HS3ST5: variants seen among roughly 807,000 people sequenced by gnomAD.
The protein encoded by HS3ST5 is heparan sulfate glucosamine 3-O-sulfotransferase 5.
HS3ST5 carries 10 observed loss-of-function variants against 25.4 expected under a neutral mutation model. That is an observed-to-expected ratio of 0.39 (90% CI 0.24 to 0.67). The LOEUF is 0.67. HS3ST5 is among the 30% of genes least tolerant of loss of function. The pLI is 0.44. For missense variants in HS3ST5, 324 were observed against 420.7 expected (o/e 0.77, Z 2.01); for synonymous variants, 170 against 162.4 (o/e 1.05, Z -0.36).
intron 3 of HS3ST5, among the ~76,000 whole-genome samples, chr6:114,116,813 C>T (rs1008150506): frequency 2.6e-5 from 4 of 152,086 alleles, no homozygotes; most frequent in African/African-American, 9.7e-5. Flanking sequence ...AATTGCTGCC[C>T]TTCCTTTTGG....
chr6:114,058,001 C>T lies in HS3ST5; in HGVS notation c.297G>A (p.Arg99=), dbSNP rs1402829049. The change falls in exon 5 of 5, where the codon AGG becomes AGA. Residue 99 remains arginine (R), a synonymous_variant. Coordinates refer to ENST00000312719, the MANE Select transcript of HS3ST5 (RefSeq NM_153612.4). ...QLPKAIIIGV[R]KGGTRALLEM... ...CAAGCAGGGCCCTTGTGCCTCCTTT[C>T]CTCACCCCAATGATAATGGCCTTGG... 3 of 1,614,084 alleles carry T rather than the reference C, an allele frequency of 1.9e-6. No homozygotes were observed. Among genetic ancestry groups the T allele is most frequent in the Admixed American group, 1.7e-5 (1 of 60,006 alleles).
chr6:114,069,209 C>A (rs1348748744), intron 3 of HS3ST5, among the ~76,000 whole-genome samples: 1 of 152,138 alleles, frequency 6.6e-6, no homozygotes, highest in African/African-American at 2.4e-5. Context: ...GAAATCATAA[C>A]CCTCTTTTGA....
intron 2 of HS3ST5, among the ~76,000 whole-genome samples, chr6:114,186,205 C>T (rs1432065009): frequency 6.6e-5 from 10 of 151,966 alleles, no homozygotes; most frequent in Admixed American, 5.9e-4. Flanking sequence ...CACTTTAAAT[C>T]AAAAGCTAAA....
intron 3 of HS3ST5, among the ~76,000 whole-genome samples, chr6:114,137,961 TA>T (rs1011020148): frequency 1.3e-5 from 2 of 152,138 alleles, no homozygotes; most frequent in Admixed American, 1.3e-4. Context: ...AGCTACCACT[TA>T]TTAAATCCCT....
rs1423468630 is a variant in HS3ST5 at position 114,207,521 on chromosome 6, G to C, written c.-145+21064C>G. On this transcript the variant is annotated intron_variant, in intron 2 of 4. Transcript: ENST00000312719. ...AGCCTAGTGGATTCCCCTAAAGACA[G>C]TCATGGTGAAGAAGGCTCATCCCTA... 5.9e-5 allele frequency among the ~76,000 whole-genome samples: 9 copies of C among 152,140 alleles called. No individual in the cohort carries two copies. In the East Asian group the frequency reaches 1.7e-3, roughly 29 times the overall value.
intron 4 of HS3ST5, among the ~76,000 whole-genome samples, chr6:114,062,302 A>T (rs1435399761): frequency 6.6e-6 from 1 of 152,176 alleles, no homozygotes; most frequent in Admixed American, 6.5e-5. Flanking sequence ...TGCAAACTCG[A>T]TGAGCTCCTT....
At chr6:114,341,222 G>GGGGAGA (rs1776839835) in intron 1 of HS3ST5, among the ~76,000 whole-genome samples, 8 of 46,634 alleles carry the variant, frequency 1.7e-4, no homozygotes, top group South Asian at 9.1e-4. Flanking sequence ...GGAGAGAGGG[G>GGGGAGA]GAGAGAGAGA....
chr6:114,319,629 C>T (rs1775882989), intron 1 of HS3ST5, among the ~76,000 whole-genome samples: 1 of 152,140 alleles, frequency 6.6e-6, no homozygotes, highest in Admixed American at 6.5e-5. Flanking sequence ...TGCTTTTATA[C>T]TTGACAGTTA....
chr6:114,057,334 T>A lies in HS3ST5; in HGVS notation c.964A>T (p.Thr322Ser). 1 of 1,614,122 alleles carries A rather than the reference T, an allele frequency of 6.2e-7. No homozygotes were observed. Among genetic ancestry groups the A allele is most frequent in the Non-Finnish European group, 8.5e-7 (1 of 1,180,000 alleles). ...GGATGAAAGAATTTGCGCAATTTAG[T>A]AATGACAGAGGGGTCCACCTCTGGA... is the stretch of plus-strand genomic sequence containing the variant. ...IHPEVDPSVITKLRKFFHPFN... is the reference protein window; with the variant it reads ...IHPEVDPSVISKLRKFFHPFN... The change falls in exon 5 of 5, where the codon ACT becomes TCT. Residue 322 changes from threonine to serine, a missense_variant. Transcript: ENST00000312719.
chr6:114,116,388 GTTT>G (rs1252148898), intron 3 of HS3ST5, among the ~76,000 whole-genome samples: 1 of 152,066 alleles, frequency 6.6e-6, no homozygotes, highest in African/African-American at 2.4e-5. Context: ...CCCAGTTCTA[GTTT>G]GCCTAGGTTA....
intron 2 of HS3ST5, among the ~76,000 whole-genome samples, chr6:114,173,300 G>A (rs1266681203): frequency 6.6e-6 from 1 of 152,050 alleles, no homozygotes; most frequent in East Asian, 1.9e-4. Flanking sequence ...CTTATGGCAG[G>A]CCACAACATT....
At chr6:114,211,267 T>A (rs1471775034) in intron 2 of HS3ST5, among the ~76,000 whole-genome samples, 1 of 152,250 alleles carries the variant, frequency 6.6e-6, no homozygotes, top group Non-Finnish European at 1.5e-5. Flanking sequence ...ACTTTTTAAA[T>A]TTTTAATTGG....
intron 3 of HS3ST5, among the ~76,000 whole-genome samples, chr6:114,123,070 A>G (rs1776870115): frequency 6.6e-6 from 1 of 152,168 alleles, no homozygotes; most frequent in Non-Finnish European, 1.5e-5. Context: ...CTCCTGCCTC[A>G]GCCTTTCCGA....
At chr6:114,240,009 T>TACACACACAC (rs149926688) in intron 1 of HS3ST5, among the ~76,000 whole-genome samples, 1,947 of 148,972 alleles carry the variant, frequency 0.013, 31 homozygotes, top group African/African-American at 0.045. Context: ...AGCACACACA[T>TACACACACAC]ACACACACAC....
At chr6:114,109,585 C>T (rs1319361599) in intron 3 of HS3ST5, among the ~76,000 whole-genome samples, 2 of 152,196 alleles carry the variant, frequency 1.3e-5, no homozygotes, top group Admixed American at 6.5e-5. Flanking sequence ...TTCCCTTCCT[C>T]TCTGGCCATG....
rs1305181192 is a variant in HS3ST5, at chr6:114,102,838, A to T, written c.-32-39961T>A. ...CTGAACTCCAGAATGTGCCAATATC[A>T]CCCCTTCCTTTGACAAAACAGAAGT... On this transcript the variant is annotated intron_variant, in intron 3 of 4. Coordinates refer to ENST00000312719, the MANE Select transcript of HS3ST5 (RefSeq NM_153612.4). Among the ~76,000 whole-genome samples, 3 of 152,120 alleles carry T rather than the reference A, an allele frequency of 2.0e-5. No homozygotes were observed. The East Asian group carries it at 5.8e-4, about 29-fold the overall frequency.
intron 4 of HS3ST5, among the ~76,000 whole-genome samples, chr6:114,062,396 A>G (rs940660520): frequency 2.6e-5 from 4 of 152,192 alleles, no homozygotes; most frequent in South Asian, 2.1e-4. Context: ...ACATAGATAC[A>G]TCATCACTGT....
chr6:114,320,912 CTCTA>C (rs1446661311), intron 1 of HS3ST5, among the ~76,000 whole-genome samples: 47 of 116,636 alleles, frequency 4.0e-4, no homozygotes, highest in African/African-American at 9.9e-4. Flanking sequence ...CTCTCTCTCT[CTCTA>C]TATATATATA....
intron 1 of HS3ST5, among the ~76,000 whole-genome samples, chr6:114,289,833 A>G (rs570360197): frequency 6.6e-6 from 1 of 152,266 alleles, no homozygotes; most frequent in East Asian, 1.9e-4. Flanking sequence ...TTTCCAAACT[A>G]TCTTCCTATG....
Sources: gnomAD v4.1 joint callset for allele counts (sites outside exome capture counted in the v4.1 genomes callset) on GRCh38, gnomAD v4.1.1 for gene constraint, MANE v1.5 for transcripts, NCBI Gene and HGNC (gene_info 2026-07-23, HGNC 2026-07-21) for gene names.